Variants in USP47 observed in about 807,000 individuals in gnomAD.
USP47 encodes ubiquitin specific peptidase 47, also known as ubiquitin carboxyl-terminal hydrolase 47.
In USP47, 35 loss-of-function variants were observed where a neutral mutation model predicts 165.1. The observed-to-expected ratio is 0.21, with a 90% CI of 0.16 to 0.28. The LOEUF (loss-of-function observed/expected upper bound fraction) is 0.28, where lower values mean the gene tolerates loss of function less well. Among genes scored for constraint, USP47 ranks in the 10% least tolerant of loss-of-function variants. USP47 has a pLI of 1.00. For missense variants in USP47, 1,277 were observed against 1,607.4 expected (o/e 0.79, Z 3.52); for synonymous variants, 531 against 544.5 (o/e 0.98, Z 0.35).
intron 1 of USP47, among the ~76,000 whole-genome samples, chr11:11,854,649 A>G (rs577991096): frequency 6.8e-6 from 1 of 147,830 alleles, no homozygotes; most frequent in South Asian, 2.2e-4. Flanking sequence ...ATGAAATTAT[A>G]TTTTAGTTAT....
rs1851935809 is a variant in USP47, at chr11:11,897,766, T to G, written c.593+73T>G. 3 of 1,083,474 alleles carry G rather than the reference T, an allele frequency of 2.8e-6. No homozygotes were observed. The Admixed American group carries it at 6.4e-5, about 23-fold the overall frequency. The allele number at this position is 1,083,474 out of a possible 1,614,324, so 67.1% of individuals were successfully genotyped here. On this transcript the variant is annotated intron_variant, in intron 5 of 27. Coordinates refer to ENST00000527733, the MANE Select transcript of USP47 (RefSeq NM_001282659.2). ...AATATCACTTTTAACAAAATTTATC[T>G]TCTTGCAGTTATTTTAAAGTTTGGG...
rs1301049859 is a variant in USP47, at chr11:11,960,642, A to G, written c.*4467A>G. On this transcript the variant is annotated 3_prime_UTR_variant, in exon 28 of 28. Coordinates refer to ENST00000527733, the MANE Select transcript of USP47 (RefSeq NM_001282659.2). ...GAAGAATCTGTTTTCCAAACACCAC[A>G]ATCTCCCAAAAGGGGATTTCACCCT... is the stretch of plus-strand genomic sequence containing the variant. Among the ~76,000 whole-genome samples, 1 of 152,088 alleles carries G rather than the reference A, an allele frequency of 6.6e-6. No homozygotes were observed. Among genetic ancestry groups the G allele is most frequent in the African/African-American group, 2.4e-5 (1 of 41,420 alleles).
At chr11:11,873,582 G>C (rs1032085807) in intron 1 of USP47, among the ~76,000 whole-genome samples, 3 of 151,830 alleles carry the variant, frequency 2.0e-5, no homozygotes, top group African/African-American at 7.3e-5. Context: ...TATTAAAATG[G>C]CTATTTCCAT....
At chr11:11,949,382 A>G (rs1856070483) in intron 22 of USP47, among the ~76,000 whole-genome samples, 1 of 152,168 alleles carries the variant, frequency 6.6e-6, no homozygotes, top group East Asian at 1.9e-4. Context: ...CCATAAATTT[A>G]TCATAAAATG....
At chr11:11,910,538 A>T (rs775914779) in intron 8 of USP47, among the ~76,000 whole-genome samples, 3 of 152,004 alleles carry the variant, frequency 2.0e-5, no homozygotes, top group Admixed American at 6.6e-5. Context: ...ACCACCTCCC[A>T]GGGGTAAAGA....
intron 5 of USP47, 80 bp downstream of exon 5, chr11:11,897,773 A>C: frequency 9.6e-7 from 1 of 1,038,598 alleles, no homozygotes; most frequent in South Asian, 1.6e-5. Context: ...ATCTTCTTGC[A>C]GTTATTTTAA....
In USP47 at chr11:11,942,788, C is replaced by G. The variant is rs1292834511; in HGVS notation, c.2767C>G (p.Arg923Gly). ...SDPENFQSEE[R>G]SDSDVNNDRS... ...TCCAGAAAATTTTCAGTCTGAAGAA[C>G]GATCAGACTCAGATGTGAATAATGA... The change falls in exon 20 of 28, where the codon CGA becomes GGA. Residue 923 changes from arginine (R) to glycine (G), a missense_variant. Arg to Gly is a moderately radical substitution (Grantham distance 125, BLOSUM62 -2). Coordinates refer to ENST00000527733, the MANE Select transcript of USP47 (RefSeq NM_001282659.2). The G allele has an allele frequency of 6.2e-7, 1 of 1,613,510 alleles. No homozygotes were observed. The highest frequency in any genetic ancestry group is 8.5e-7 in the Non-Finnish European group (1 of 1,179,700).
chr11:11,940,630 C>T (rs774333816), intron 19 of USP47, 82 bp downstream of exon 19: 351 of 1,427,456 alleles, frequency 2.5e-4, no homozygotes, highest in Middle Eastern at 2.3e-3. Context: ...AGCCTGGCCT[C>T]CACAGCTGTT....
At chr11:11,916,937 C>T (rs1416115395) in intron 8 of USP47, among the ~76,000 whole-genome samples, 2 of 145,220 alleles carry the variant, frequency 1.4e-5, no homozygotes, top group Non-Finnish European at 1.5e-5. Context: ...ATCCCTTGAA[C>T]CCAGGAGTTT....
At chr11:11,879,670 A>G (rs1383274537) in intron 1 of USP47, among the ~76,000 whole-genome samples, 2 of 152,120 alleles carry the variant, frequency 1.3e-5, no homozygotes, top group South Asian at 2.1e-4. Context: ...GTACAGCAGC[A>G]TAAAGATCAG....
chr11:11,922,176 A>G (rs1295358291), intron 10 of USP47, among the ~76,000 whole-genome samples: 1 of 151,926 alleles, frequency 6.6e-6, no homozygotes, highest in Non-Finnish European at 1.5e-5. Flanking sequence ...TTAAAACCAT[A>G]AAGTAGAAAA....
chr11:11,843,497 G>C (rs887850703), intron 1 of USP47, among the ~76,000 whole-genome samples: 1 of 152,216 alleles, frequency 6.6e-6, no homozygotes, highest in African/African-American at 2.4e-5. Context: ...ACTAGTGTTT[G>C]TTGAACTCCA....
At position 11,891,392 on chromosome 11, in the gene USP47, A is replaced by C. The variant is rs140053934; in HGVS notation, c.358-576A>C. On this transcript the variant is annotated intron_variant, in intron 3 of 27. Transcript: ENST00000527733. ...TCCATCTGTACTGAAGCAGTAACAG[A>C]ATATGCTCTCTGATCTTCATTAATT... Among the ~76,000 whole-genome samples, 413 of 152,326 alleles carry C rather than the reference A, an allele frequency of 2.7e-3. 1 individual carries two copies. The highest frequency in any genetic ancestry group is 9.3e-3 in the African/African-American group (386 of 41,564).
chr11:11,928,613 C>T (rs1226250067), intron 11 of USP47, among the ~76,000 whole-genome samples: 1 of 152,000 alleles, frequency 6.6e-6, no homozygotes, highest in Non-Finnish European at 1.5e-5. Flanking sequence ...TTTTTAACCT[C>T]CTTCTCTGTT....
chr11:11,898,587 T>C (rs1011178878), intron 5 of USP47, among the ~76,000 whole-genome samples: 17 of 152,092 alleles, frequency 1.1e-4, no homozygotes, highest in African/African-American at 3.9e-4. Context: ...ACTTGGTGGA[T>C]AGAGAGGGAA....
Position 11,933,977 on chromosome 11 carries a change from C to T in USP47, c.1869+42C>T, listed in dbSNP as rs777796037. ...CATTGGCATTTACTTACTAATACAA[C>T]AGTATTAACATAATTTCCCAAGTTT... On this transcript the variant is annotated intron_variant, in intron 16 of 27. Transcript: ENST00000527733. 44 of 1,392,974 alleles carry T rather than the reference C, an allele frequency of 3.2e-5. No individual in the cohort carries two copies. In the Middle Eastern group the frequency reaches 7.4e-4, roughly 23 times the overall value. The allele number at this position is 1,392,974 out of a possible 1,614,324, so 86.3% of individuals were successfully genotyped here.
At chr11:11,893,310 C>T (rs1355515800) in intron 4 of USP47, among the ~76,000 whole-genome samples, 2 of 152,136 alleles carry the variant, frequency 1.3e-5, no homozygotes, top group African/African-American at 2.4e-5. Context: ...AATGGTGTTT[C>T]ATGCTAAGTA....
At position 11,877,840 on chromosome 11, in the gene USP47, TGTGTGTGTGTGTGTGTGTGC is replaced by T. The variant is rs1224389319; in HGVS notation, c.40-2335_40-2316del. Among the ~76,000 whole-genome samples the T allele has an allele frequency of 5.0e-3, 462 of 91,658 alleles. 5 individuals carry two copies. Among genetic ancestry groups the T allele is most frequent in the African/African-American group, 0.018 (360 of 20,462 alleles). The allele number at this position is 91,658 out of a possible 152,430, so 60.1% of individuals were successfully genotyped here. On this transcript the variant is annotated intron_variant, in intron 1 of 27. Coordinates refer to ENST00000527733, the MANE Select transcript of USP47 (RefSeq NM_001282659.2). ...GTGTGTGTGTGTGTGTGTGTGTGTGTGTGTGTGTGTGTGTGTGTGCGCGCGCGCAGATAAGATATTTGGAA... is the reference window on the plus strand; with the variant it reads ...GTGTGTGTGTGTGTGTGTGTGTGTGTGCGCGCGCAGATAAGATATTTGGAA...
chr11:11,871,469 C>CT (rs1247046831), intron 1 of USP47, among the ~76,000 whole-genome samples: 1 of 127,608 alleles, frequency 7.8e-6, no homozygotes, highest in Non-Finnish European at 1.6e-5. Flanking sequence ...TGCCACTGCA[C>CT]TCCAGCCTGG....
Sources: allele counts gnomAD v4.1 joint callset (sites outside exome capture counted in the v4.1 genomes callset), GRCh38; gene constraint gnomAD v4.1.1; transcripts MANE v1.5; gene names NCBI Gene and HGNC (gene_info 2026-07-23, HGNC 2026-07-21).